The following LRRC8A variants were observed in gnomAD, a reference collection of about 807,000 sequenced individuals.
LRRC8A encodes volume-regulated anion channel subunit LRRC8A.
In LRRC8A, 24 loss-of-function variants were observed where a neutral mutation model predicts 52.5. That is an observed-to-expected ratio of 0.46 (90% CI 0.33 to 0.64). The LOEUF (loss-of-function observed/expected upper bound fraction) is 0.64. Ranked by LOEUF, LRRC8A falls within the 30% of genes least tolerant of loss-of-function variation. The pLI is 0.02. For missense variants in LRRC8A, 677 were observed against 1,094.7 expected (o/e 0.62, Z 5.38); for synonymous variants, 492 against 494.2 (o/e 1.00, Z 0.06).
At position 128,892,123 on chromosome 9, in the gene LRRC8A, C is replaced by T. The variant is rs907132065; in HGVS notation, c.-9+6002C>T. On this transcript the variant is annotated intron_variant, in intron 2 of 3. Transcript: ENST00000372600. The surrounding 1 kb of genome is among the most constrained non-coding windows in gnomAD (Gnocchi z 5.2). ...TACAGATGAGGAAACCAGAGCCCAG[C>T]GAGGTGAAGGGACTTTCTCACGGTC... Among the ~76,000 whole-genome samples, 14 of 152,230 alleles carry T rather than the reference C, an allele frequency of 9.2e-5. No homozygotes were observed. Among genetic ancestry groups the T allele is most frequent in the Non-Finnish European group, 1.2e-4 (8 of 68,028 alleles).
At chr9:128,882,281 A>T (rs1359199709) in intron 1 of LRRC8A, 31 bp downstream of exon 1, 2 of 153,450 alleles carry the variant, frequency 1.3e-5, no homozygotes, top group Non-Finnish European at 2.9e-5. Flanking sequence ...AAGGGGCGCG[A>T]GCTGTCACCT....
intron 3 of LRRC8A, among the ~76,000 whole-genome samples, chr9:128,912,214 C>T (rs769015264): frequency 2.6e-5 from 4 of 152,190 alleles, no homozygotes; most frequent in Non-Finnish European, 5.9e-5. Flanking sequence ...TGAGCCACTT[C>T]GCCTGGCCTT....
intron 2 of LRRC8A, among the ~76,000 whole-genome samples, chr9:128,906,738 G>C (rs899848548): frequency 6.6e-6 from 1 of 152,210 alleles, no homozygotes; most frequent in Non-Finnish European, 1.5e-5. Flanking sequence ...CTTTACAGCA[G>C]CTGGTTCCCA....
In LRRC8A at chr9:128,907,030, C is replaced by T; in HGVS notation, c.-8-127C>T. 1 of 844,644 alleles carries T rather than the reference C, an allele frequency of 1.2e-6. No individual in the cohort carries two copies. Among genetic ancestry groups the T allele is most frequent in the Admixed American group, 2.3e-5 (1 of 43,414 alleles). 52.3% of individuals were successfully genotyped at this position (844,644 alleles called of 1,614,324 possible). ...GCCCCGTGGAGTAGGCAGGCTTTGG[C>T]TCCCAGCTAGATTTGAGGTGGAATT... On this transcript the variant is annotated intron_variant, in intron 2 of 3. Coordinates refer to ENST00000372600, the MANE Select transcript of LRRC8A (RefSeq NM_019594.4). This position sits in a 1 kb window ranked among gnomAD's most constrained non-coding sequence, Gnocchi z 9.3.
In LRRC8A at chr9:128,907,953, C is replaced by T; in HGVS notation, c.789C>T (p.Leu263=). The change falls in exon 3 of 4, where the codon CTC becomes CTT. Residue 263 remains leucine, a synonymous_variant. Coordinates refer to ENST00000372600, the MANE Select transcript of LRRC8A (RefSeq NM_019594.4). The surrounding 1 kb of genome is among the most constrained non-coding windows in gnomAD (Gnocchi z 9.3). The part of the protein sequence containing the change: ...HVEEGDIVYR[L]YMRQTIIKVI... ...AGGAGGGGGACATTGTGTACCGCCT[C>T]TACATGCGGCAGACCATCATCAAGG... 1 of 1,614,122 alleles carries T rather than the reference C, an allele frequency of 6.2e-7. No individual in the cohort carries two copies. The highest frequency in any genetic ancestry group is 8.5e-7 in the Non-Finnish European group (1 of 1,180,032).
chr9:128,907,141 T>A lies in LRRC8A; in HGVS notation c.-8-16T>A. The A allele has an allele frequency of 1.3e-6, 2 of 1,587,768 alleles. No individual in the cohort carries two copies. The highest frequency in any genetic ancestry group is 1.7e-4 in the Middle Eastern group (1 of 5,796). Reference sequence around the variant, plus strand: ...GGCCACCCTGTGCTAACCCCCCTCCTATGGCTCCCTTTTAGGTTGAACCAT... The same window carrying A: ...GGCCACCCTGTGCTAACCCCCCTCCAATGGCTCCCTTTTAGGTTGAACCAT... On this transcript the variant is annotated splice_polypyrimidine_tract_variant and intron_variant, in intron 2 of 3. Coordinates refer to ENST00000372600, the MANE Select transcript of LRRC8A (RefSeq NM_019594.4). This position sits in a 1 kb window ranked among gnomAD's most constrained non-coding sequence, Gnocchi z 9.3.
intron 3 of LRRC8A, among the ~76,000 whole-genome samples, chr9:128,914,450 G>A (rs1304525394): frequency 1.3e-5 from 2 of 152,316 alleles, no homozygotes; most frequent in African/African-American, 2.4e-5. Flanking sequence ...GCCCAGAGAG[G>A]GAGGGACTTC....
In LRRC8A at chr9:128,911,322, C is replaced by T. The variant is rs1840518577; in HGVS notation, c.2157+2001C>T. ...GATTTTGACAAGTCCTTATCTCCGG[C>T]CACCCCATATTATGACTTGAGCACA... On this transcript the variant is annotated intron_variant, in intron 3 of 3. Transcript: ENST00000372600. The surrounding 1 kb of genome is among the most constrained non-coding windows in gnomAD (Gnocchi z 4.9). Among the ~76,000 whole-genome samples, 1 of 152,186 alleles carries T rather than the reference C, an allele frequency of 6.6e-6. No individual in the cohort carries two copies.
At chr9:128,883,888 T>C (rs960963348) in intron 1 of LRRC8A, among the ~76,000 whole-genome samples, 1 of 151,828 alleles carries the variant, frequency 6.6e-6, no homozygotes, top group Non-Finnish European at 1.5e-5. Flanking sequence ...GCAGGAGAAT[T>C]GCTTGAACCC....
At chr9:128,883,250 G>C (rs1374792212) in intron 1 of LRRC8A, among the ~76,000 whole-genome samples, 1 of 152,172 alleles carries the variant, frequency 6.6e-6, no homozygotes, top group African/African-American at 2.4e-5. Context: ...GTAAGAGGAA[G>C]GGAACTGGGG....
intron 2 of LRRC8A, among the ~76,000 whole-genome samples, chr9:128,901,869 C>T (rs1840039965): frequency 6.6e-6 from 1 of 152,176 alleles, no homozygotes; most frequent in African/African-American, 2.4e-5. Context: ...TTCCCCACAC[C>T]CTTGGGAACT....
intron 2 of LRRC8A, among the ~76,000 whole-genome samples, chr9:128,903,608 T>A (rs1424106512): frequency 6.6e-6 from 1 of 151,200 alleles, no homozygotes; most frequent in Non-Finnish European, 1.5e-5. Flanking sequence ...AGAGACGGAG[T>A]TTCACCTTGT....
intron 2 of LRRC8A, among the ~76,000 whole-genome samples, chr9:128,901,641 G>T (rs1262733686): frequency 6.6e-6 from 1 of 152,144 alleles, no homozygotes; most frequent in Admixed American, 6.5e-5. Context: ...GCCCTGCGTG[G>T]TATCATGCCC....
chr9:128,913,464 C>T (rs755152002), intron 3 of LRRC8A, among the ~76,000 whole-genome samples: 5 of 152,072 alleles, frequency 3.3e-5, no homozygotes, highest in South Asian at 4.1e-4. Flanking sequence ...CACGGGCCGG[C>T]GACAATCCGA....
rs1221333985 is a variant in LRRC8A at position 128,911,254 on chromosome 9, G to T, written c.2157+1933G>T. ...GAAGCCTTCCTCCCCTCTTCCCCAG[G>T]GCTCCCTTACTGCAGAGCAACCTGC... On this transcript the variant is annotated intron_variant, in intron 3 of 3. Coordinates refer to ENST00000372600, the MANE Select transcript of LRRC8A (RefSeq NM_019594.4). The surrounding 1 kb of genome is among the most constrained non-coding windows in gnomAD (Gnocchi z 4.9). 6.6e-6 allele frequency among the ~76,000 whole-genome samples: 1 copy of T among 152,034 alleles called. No individual in the cohort carries two copies. The highest frequency in any genetic ancestry group is 1.5e-5 in the Non-Finnish European group (1 of 67,980).
At chr9:128,891,442 G>C (rs1227669976) in intron 2 of LRRC8A, among the ~76,000 whole-genome samples, 1 of 152,150 alleles carries the variant, frequency 6.6e-6, no homozygotes, top group East Asian at 1.9e-4. Flanking sequence ...CATGCCTGTA[G>C]TTTCAGCTAC....
chr9:128,915,724 G>T (rs1189556472), intron 3 of LRRC8A, among the ~76,000 whole-genome samples: 1 of 152,222 alleles, frequency 6.6e-6, no homozygotes, highest in Non-Finnish European at 1.5e-5. Context: ...TGGGATGGAG[G>T]TGGGAGCAGC....
At chr9:128,895,349 C>T (rs1205961344) in intron 2 of LRRC8A, among the ~76,000 whole-genome samples, 4 of 152,170 alleles carry the variant, frequency 2.6e-5, no homozygotes, top group Admixed American at 1.3e-4. Context: ...GCAAGACTGT[C>T]TCCAAGATAA....
intron 3 of LRRC8A, 128 bp downstream of exon 3, chr9:128,909,449 G>C: frequency 1.1e-6 from 1 of 895,342 alleles, no homozygotes; most frequent in South Asian, 1.6e-5. Context: ...CCTCACCTGG[G>C]GTTTACAGAA....
Sources: gnomAD v4.1 joint callset for allele counts (sites outside exome capture counted in the v4.1 genomes callset) on GRCh38, gnomAD v4.1.1 for gene constraint, Gnocchi (gnomAD v3.1) non-coding constraint, MANE v1.5 for transcripts, NCBI Gene and HGNC (gene_info 2026-07-23, HGNC 2026-07-21) for gene names.